MACROD2: variants seen among roughly 807,000 people sequenced by gnomAD.
MACROD2 encodes ADP-ribose glycohydrolase MACROD2.
MACROD2 carries 36 observed loss-of-function variants against 70.4 expected under a neutral mutation model. That is an observed-to-expected ratio of 0.51 (90% CI 0.39 to 0.68). MACROD2 has a LOEUF of 0.68. Ranked by LOEUF, MACROD2 falls within the 30% of genes least tolerant of loss-of-function variation. The pLI is 0.00. For synonymous variants in MACROD2, 172 were observed against 178.8 expected, an observed-to-expected ratio of 0.96 and a Z score of 0.30; for missense variants, 496 against 538.4, an observed-to-expected ratio of 0.92 and a Z score of 0.78.
chr20:15,665,603 G>A (rs1020183248), intron 8 of MACROD2, among the ~76,000 whole-genome samples: 3 of 152,262 alleles, frequency 2.0e-5, no homozygotes, highest in South Asian at 4.1e-4. Flanking sequence ...CAAGGAGTCA[G>A]AATTTGTCTG....
At chr20:15,231,994 C>A (rs772163246) in intron 6 of MACROD2, among the ~76,000 whole-genome samples, 1 of 151,968 alleles carries the variant, frequency 6.6e-6, no homozygotes, top group Non-Finnish European at 1.5e-5. Context: ...GCATGGTAGA[C>A]TACAGTTGCC....
intron 5 of MACROD2, among the ~76,000 whole-genome samples, chr20:14,954,724 A>ATAAATTATAAATTATAAATTT (rs1255183954): frequency 1.9e-4 from 2 of 10,696 alleles, no homozygotes; most frequent in African/African-American, 3.0e-4. Flanking sequence ...ATATAAATGT[A>ATAAATTATAAATTATAAATTT]TAAATATATA....
intron 5 of MACROD2, among the ~76,000 whole-genome samples, chr20:14,811,344 T>C (rs2072708247): frequency 2.0e-5 from 3 of 152,132 alleles, no homozygotes; most frequent in Admixed American, 1.3e-4. Flanking sequence ...GGGAAAGGAT[T>C]CCCTATTTAA....
chr20:14,248,607 A>T (rs1203775584), intron 3 of MACROD2, among the ~76,000 whole-genome samples: 1 of 152,076 alleles, frequency 6.6e-6, no homozygotes, highest in East Asian at 1.9e-4. Flanking sequence ...AATAATAAAT[A>T]AAATATTGTG....
At chr20:14,763,179 T>C (rs1309887636) in intron 5 of MACROD2, among the ~76,000 whole-genome samples, 1 of 151,624 alleles carries the variant, frequency 6.6e-6, no homozygotes, top group African/African-American at 2.4e-5. Flanking sequence ...AAGTCTTCTG[T>C]ATTTTCAAAA....
chr20:14,053,811 A>AT (rs1253961235), intron 2 of MACROD2: 2 of 152,146 alleles, frequency 1.3e-5, no homozygotes, highest in African/African-American at 2.4e-5. Context: ...CGTAATCATG[A>AT]TTTTCTCTTT....
chr20:15,938,324 G>T (rs2065697809), intron 12 of MACROD2, among the ~76,000 whole-genome samples: 1 of 151,924 alleles, frequency 6.6e-6, no homozygotes, highest in African/African-American at 2.4e-5. Context: ...TTGAAGTTTT[G>T]TGGGAACCCT....
intron 3 of MACROD2, among the ~76,000 whole-genome samples, chr20:14,104,072 T>A (rs929953528): frequency 6.6e-6 from 1 of 152,048 alleles, no homozygotes; most frequent in African/African-American, 2.4e-5. Context: ...ACCAAATAGC[T>A]CTATGGAAAG....
intron 5 of MACROD2, among the ~76,000 whole-genome samples, chr20:14,968,514 G>A (rs536990346): frequency 6.6e-6 from 1 of 151,904 alleles, no homozygotes; most frequent in East Asian, 1.9e-4. Flanking sequence ...GGCATCAGTT[G>A]TAAAAAAAAA....
intron 16 of MACROD2, among the ~76,000 whole-genome samples, chr20:16,042,784 G>A (rs1279164460): frequency 2.0e-5 from 3 of 151,942 alleles, no homozygotes. Context: ...TTATTTATGG[G>A]GTTTAAAATG....
intron 3 of MACROD2, among the ~76,000 whole-genome samples, chr20:14,260,075 C>A (rs1441618903): frequency 6.6e-6 from 1 of 152,126 alleles, no homozygotes; most frequent in Non-Finnish European, 1.5e-5. Context: ...ACTCATTGTG[C>A]TCTCATCAGA....
chr20:14,228,503 A>G (rs2081767063), intron 3 of MACROD2, among the ~76,000 whole-genome samples: 1 of 152,042 alleles, frequency 6.6e-6, no homozygotes, highest in Admixed American at 6.5e-5. Context: ...ATGCCCAGCT[A>G]ATTTTTGTAT....
At chr20:15,966,755 A>G (rs1265005124) in intron 12 of MACROD2, among the ~76,000 whole-genome samples, 1 of 152,138 alleles carries the variant, frequency 6.6e-6, no homozygotes, top group Non-Finnish European at 1.5e-5. Context: ...AGTGTCTGGC[A>G]TATACTTGGC....
intron 3 of MACROD2, among the ~76,000 whole-genome samples, chr20:14,391,742 C>T (rs1402019043): frequency 6.7e-6 from 1 of 149,334 alleles, no homozygotes; most frequent in Non-Finnish European, 1.5e-5. Flanking sequence ...ATTGCATGTT[C>T]TCACTTGTAA....
At chr20:14,842,017 G>T (rs1012828608) in intron 5 of MACROD2, among the ~76,000 whole-genome samples, 2 of 146,254 alleles carry the variant, frequency 1.4e-5, no homozygotes, top group Non-Finnish European at 3.0e-5. Context: ...AAGAAAAGAG[G>T]TTTTTTGTTT....
In MACROD2 at chr20:14,056,671, TATA is replaced by T. The variant is rs573992886; in HGVS notation, c.164-28947_164-28945del. Among the ~76,000 whole-genome samples the T allele has an allele frequency of 5.9e-5, 9 of 152,132 alleles. No individual in the cohort carries two copies. The South Asian group carries it at 1.7e-3, about 28-fold the overall frequency. ...TTGTTATTTTCCATTTTTAGTATAA[TATA>T]ATCAGAGAATAAGGAATGTACAGTT... is the stretch of plus-strand genomic sequence containing the variant. On this transcript the variant is annotated intron_variant, in intron 2 of 17. Transcript: ENST00000684519.
intron 6 of MACROD2, among the ~76,000 whole-genome samples, chr20:15,313,778 G>T (rs575746852): frequency 1.3e-5 from 2 of 152,222 alleles, no homozygotes; most frequent in African/African-American, 4.8e-5. Context: ...GTGTATGTTG[G>T]ATACTCTAAA....
chr20:15,852,115 T>C (rs936906972), intron 8 of MACROD2, among the ~76,000 whole-genome samples: 7 of 152,184 alleles, frequency 4.6e-5, no homozygotes, highest in African/African-American at 1.4e-4. Context: ...ACTAAACATA[T>C]GGAGCAGCTT....
chr20:14,028,367 G>C (rs1431951596), intron 2 of MACROD2, among the ~76,000 whole-genome samples: 2 of 152,178 alleles, frequency 1.3e-5, no homozygotes, highest in African/African-American at 4.8e-5. Context: ...CCCCGTGGGG[G>C]TGGGATCTGC....
Sources: allele counts gnomAD v4.1 joint callset (sites outside exome capture counted in the v4.1 genomes callset), GRCh38; gene constraint gnomAD v4.1.1; transcripts MANE v1.5; gene names NCBI Gene and HGNC (gene_info 2026-07-23, HGNC 2026-07-21).